The following ABI3BP variants were observed in gnomAD, a reference collection of about 807,000 sequenced individuals.
ABI3BP encodes target of Nesh-SH3.
A neutral mutation model predicts 268.6 loss-of-function variants in ABI3BP; 216 were observed. The ratio of observed to expected loss-of-function variants is 0.80; its 90% CI spans 0.72 to 0.90. The LOEUF is 0.90. Among genes scored for constraint, ABI3BP ranks in the 40% least tolerant of loss-of-function variants. The pLI, the probability that ABI3BP is intolerant of heterozygous loss-of-function variation, is 0.00. For synonymous variants in ABI3BP, 730 were observed against 730.0 expected, an observed-to-expected ratio of 1.00 and a Z score of 0.00; for missense variants, 2,090 against 2,182.4, an observed-to-expected ratio of 0.96 and a Z score of 0.84.
chr3:100,798,931 T>C (rs1452098173), intron 51 of ABI3BP, among the ~76,000 whole-genome samples: 1 of 152,192 alleles, frequency 6.6e-6, no homozygotes, highest in Non-Finnish European at 1.5e-5. Flanking sequence ...AGTCTGAGTC[T>C]GAGAGGAAGC....
chr3:100,877,375 G>T (rs2099170946), intron 6 of ABI3BP, among the ~76,000 whole-genome samples: 1 of 152,174 alleles, frequency 6.6e-6, no homozygotes. Flanking sequence ...AGAAAGCACA[G>T]CAAGGACTCT....
chr3:100,938,912 G>A (rs1180464138), intron 1 of ABI3BP, among the ~76,000 whole-genome samples: 1 of 152,012 alleles, frequency 6.6e-6, no homozygotes, highest in Non-Finnish European at 1.5e-5. Context: ...TGCTTTGGTG[G>A]TGGTGGACGT....
At position 100,795,109 on chromosome 3, in the gene ABI3BP, GAAGA is replaced by G. The variant is rs2097305738; in HGVS notation, c.3866-110_3866-107del. 1.6e-5 allele frequency: 11 copies of G among 709,264 alleles called. No individual in the cohort carries two copies. The South Asian group carries it at 3.1e-4, about 20-fold the overall frequency. 43.9% of individuals were successfully genotyped at this position (709,264 alleles called of 1,614,324 possible). On this transcript the variant is annotated intron_variant, in intron 53 of 67. Transcript: ENST00000471714. ...CTTCATTTGAAGTAGAAAAAGGAAAGAAGAAAGTTAAGTGTGCACACGACTTTCA... is the reference window on the plus strand; with the variant it reads ...CTTCATTTGAAGTAGAAAAAGGAAAGAAGTTAAGTGTGCACACGACTTTCA...
At chr3:100,980,404 G>A (rs1207614816) in intron 1 of ABI3BP, among the ~76,000 whole-genome samples, 2 of 151,968 alleles carry the variant, frequency 1.3e-5, no homozygotes, top group African/African-American at 2.4e-5. Flanking sequence ...AATCCAACAT[G>A]GCATGCACAG....
intron 11 of ABI3BP, chr3:100,864,574 T>C: frequency 2.2e-6 from 1 of 452,708 alleles, no homozygotes; most frequent in South Asian, 3.0e-5. Context: ...ACCCAGAGAC[T>C]GGTTAAAAAG....
At chr3:100,851,728 TAA>T in intron 15 of ABI3BP, 145 bp downstream of exon 15, 1 of 641,360 alleles carries the variant, frequency 1.6e-6, no homozygotes, top group Non-Finnish European at 2.7e-6. Flanking sequence ...GAGGAGTGGG[TAA>T]AACACAACTC....
chr3:100,872,644 A>G (rs985981011), intron 9 of ABI3BP, among the ~76,000 whole-genome samples: 3 of 152,170 alleles, frequency 2.0e-5, no homozygotes, highest in African/African-American at 7.2e-5. Flanking sequence ...CAAAGTATAC[A>G]GTCTCTGGGC....
intron 45 of ABI3BP, among the ~76,000 whole-genome samples, 195 bp from the exon 46 acceptor site, chr3:100,812,718 G>A (rs1211027522): frequency 6.7e-6 from 1 of 150,022 alleles, no homozygotes; most frequent in African/African-American, 2.4e-5. Flanking sequence ...AACCTACTTT[G>A]TACATTCAAC....
intron 28 of ABI3BP, 71 bp downstream of exon 28, chr3:100,835,530 C>G: frequency 3.3e-6 from 4 of 1,203,364 alleles, no homozygotes; most frequent in African/African-American, 1.6e-5. Flanking sequence ...AACCCTTAGC[C>G]CAAATAGTGA....
At chr3:100,971,332 G>T (rs888936124) in intron 1 of ABI3BP, among the ~76,000 whole-genome samples, 13 of 152,160 alleles carry the variant, frequency 8.5e-5, no homozygotes, top group African/African-American at 3.1e-4. Context: ...AGAGAAGACA[G>T]GCCTGATTCT....
At chr3:100,820,409 T>A in intron 39 of ABI3BP, 106 bp from the exon 40 acceptor site, 1 of 862,172 alleles carries the variant, frequency 1.2e-6, no homozygotes, top group South Asian at 2.3e-5. Context: ...TTTTCTCATA[T>A]TTCAGGAAAT....
intron 45 of ABI3BP, among the ~76,000 whole-genome samples, 172 bp from the exon 46 acceptor site, chr3:100,812,695 C>G (rs7632038): frequency 5.3e-5 from 8 of 151,788 alleles, no homozygotes; most frequent in Non-Finnish European, 8.8e-5. Flanking sequence ...AACTACTGTA[C>G]GTTACCATTA....
At chr3:100,924,369 T>G (rs1243433782) in intron 2 of ABI3BP, among the ~76,000 whole-genome samples, 1 of 152,170 alleles carries the variant, frequency 6.6e-6, no homozygotes, top group African/African-American at 2.4e-5. Flanking sequence ...TAAAATGGTA[T>G]TATAGAATTA....
chr3:100,897,572 T>C (rs1415996664), intron 4 of ABI3BP, among the ~76,000 whole-genome samples: 1 of 152,196 alleles, frequency 6.6e-6, no homozygotes, highest in African/African-American at 2.4e-5. Context: ...ACCCATACTA[T>C]ATGACTCCAT....
chr3:100,867,206 G>GA (rs928431038), intron 9 of ABI3BP, among the ~76,000 whole-genome samples: 18 of 148,462 alleles, frequency 1.2e-4, no homozygotes, highest in Admixed American at 4.1e-4. Context: ...TTGAAATGAA[G>GA]AAAAAAAATC....
chr3:100,974,444 A>G (rs1037902434), intron 1 of ABI3BP, among the ~76,000 whole-genome samples: 1 of 152,192 alleles, frequency 6.6e-6, no homozygotes, highest in African/African-American at 2.4e-5. Flanking sequence ...CTATTAATAC[A>G]TGCAACAACA....
At position 100,811,781 on chromosome 3, in the gene ABI3BP, T is replaced by G; in HGVS notation, c.3440A>C (p.Tyr1147Ser). The change falls in exon 47 of 68, where the codon TAT becomes TCT. Residue 1147 changes from tyrosine (Y) to serine (S), a missense_variant. Coordinates refer to ENST00000471714, the MANE Select transcript of ABI3BP (RefSeq NM_001375547.2). ...KETIAPAKTD[Y>S]VYPTAKAPLW... ...TGGTGCTTTGGCAGTGGGATATACA[T>G]AGTCTGTTTTGGCTGGTGCTAGGGA... The G allele has an allele frequency of 1.3e-6, 2 of 1,535,474 alleles. No homozygotes were observed. The highest frequency in any genetic ancestry group is 2.4e-5 in the South Asian group (2 of 84,036).
chr3:100,871,939 T>C (rs949996402), intron 9 of ABI3BP, among the ~76,000 whole-genome samples: 5 of 152,172 alleles, frequency 3.3e-5, no homozygotes, highest in Admixed American at 2.0e-4. Context: ...TGGGTTTCAG[T>C]GAACCTCCTG....
chr3:100,989,314 G>A (rs1302302779), intron 1 of ABI3BP, among the ~76,000 whole-genome samples: 2 of 152,080 alleles, frequency 1.3e-5, no homozygotes, highest in African/African-American at 4.8e-5. Context: ...GACAATGGAG[G>A]AGCTTCAATA....
Sources: gnomAD v4.1 joint callset for allele counts (sites outside exome capture counted in the v4.1 genomes callset) on GRCh38, gnomAD v4.1.1 for gene constraint, MANE v1.5 for transcripts, NCBI Gene and HGNC (gene_info 2026-07-23, HGNC 2026-07-21) for gene names.